Variants in STXBP5L observed in about 807,000 individuals in gnomAD.
The protein encoded by STXBP5L is syntaxin binding protein 5L, also known as syntaxin-binding protein 5-like.
A neutral mutation model predicts 144.5 loss-of-function variants in STXBP5L; 65 were observed. The observed-to-expected ratio is 0.45, with a 90% CI of 0.37 to 0.55. STXBP5L has a LOEUF of 0.55. Ranked by LOEUF, STXBP5L falls within the 20% of genes least tolerant of loss-of-function variation. The probability of loss-of-function intolerance (pLI) is 0.00; values close to 1 mark genes in which losing one functional copy is unlikely to be tolerated. For missense variants in STXBP5L, 1,298 were observed against 1,405.5 expected (o/e 0.92, Z 1.22); for synonymous variants, 505 against 469.6 (o/e 1.08, Z -0.97).
intron 19 of STXBP5L, among the ~76,000 whole-genome samples, chr3:121,298,897 G>A (rs532591744): frequency 3.9e-5 from 6 of 152,278 alleles, no homozygotes; most frequent in East Asian, 3.9e-4. Flanking sequence ...TGTTTAGAAG[G>A]TAGATTTCAT....
chr3:121,174,540 C>T (rs577852812), intron 9 of STXBP5L, among the ~76,000 whole-genome samples: 59 of 152,182 alleles, frequency 3.9e-4, no homozygotes, highest in African/African-American at 1.3e-3. Flanking sequence ...AGAAAGGTGC[C>T]AATTTGGGAG....
intron 20 of STXBP5L, among the ~76,000 whole-genome samples, chr3:121,360,015 AAT>A (rs532276412): frequency 3.4e-5 from 5 of 145,766 alleles, no homozygotes; most frequent in African/African-American, 7.5e-5. Context: ...TATATAATAT[AAT>A]ATATATATTA....
intron 25 of STXBP5L, among the ~76,000 whole-genome samples, chr3:121,417,902 AAG>A (rs755706368): frequency 6.6e-6 from 1 of 152,250 alleles, no homozygotes; most frequent in Non-Finnish European, 1.5e-5. Flanking sequence ...GAGAGACAGA[AAG>A]AGAGAGAAAG....
intron 20 of STXBP5L, among the ~76,000 whole-genome samples, chr3:121,339,037 A>T (rs1171149867): frequency 6.6e-6 from 1 of 152,170 alleles, no homozygotes; most frequent in Non-Finnish European, 1.5e-5. Flanking sequence ...ATCCTTCCTA[A>T]CTCATTCTAT....
chr3:121,199,756 A>G (rs1299790217), intron 9 of STXBP5L, among the ~76,000 whole-genome samples: 1 of 152,004 alleles, frequency 6.6e-6, no homozygotes, highest in African/African-American at 2.4e-5. Context: ...GGTTTTTGTC[A>G]TTCGATCTGT....
At chr3:121,324,138 A>G (rs1298452073) in intron 20 of STXBP5L, among the ~76,000 whole-genome samples, 1 of 152,198 alleles carries the variant, frequency 6.6e-6, no homozygotes, top group Non-Finnish European at 1.5e-5. Context: ...CTAGGATGAT[A>G]GAAATATATA....
chr3:120,985,128 A>G (rs192665977), intron 3 of STXBP5L, among the ~76,000 whole-genome samples: 132 of 151,218 alleles, frequency 8.7e-4, no homozygotes, highest in African/African-American at 2.6e-3. Flanking sequence ...TTTTTTTTCT[A>G]GTAGTGTATT....
intron 20 of STXBP5L, among the ~76,000 whole-genome samples, chr3:121,333,565 A>AT (rs1443640868): frequency 6.6e-6 from 1 of 152,048 alleles, no homozygotes; most frequent in Non-Finnish European, 1.5e-5. Context: ...ACAAAAAAAA[A>AT]ACATTCAAAA....
intron 20 of STXBP5L, among the ~76,000 whole-genome samples, chr3:121,368,239 G>A (rs966606516): frequency 6.6e-6 from 1 of 151,798 alleles, no homozygotes; most frequent in African/African-American, 2.4e-5. Flanking sequence ...TAATTCTTCT[G>A]TCTGCTCAAA....
chr3:121,035,297 C>T (rs1576729540), intron 3 of STXBP5L, among the ~76,000 whole-genome samples: 3 of 152,054 alleles, frequency 2.0e-5, no homozygotes, highest in South Asian at 2.1e-4. Flanking sequence ...GGCCAATGTC[C>T]AGAAGAGTTT....
intron 9 of STXBP5L, among the ~76,000 whole-genome samples, chr3:121,179,036 A>G (rs1318094411): frequency 6.6e-6 from 1 of 152,146 alleles, no homozygotes; most frequent in African/African-American, 2.4e-5. Context: ...GGGGAGGGGC[A>G]TGGCCTGAAA....
chr3:120,998,245 A>G (rs1218885550), intron 3 of STXBP5L, among the ~76,000 whole-genome samples: 1 of 152,158 alleles, frequency 6.6e-6, no homozygotes, highest in Non-Finnish European at 1.5e-5. Context: ...CAATCAGGGA[A>G]GAGAAAGAAG....
At chr3:121,307,837 G>A (rs952840058) in intron 19 of STXBP5L, among the ~76,000 whole-genome samples, 13 of 151,886 alleles carry the variant, frequency 8.6e-5, no homozygotes, top group African/African-American at 2.2e-4. Flanking sequence ...CATGAACTCC[G>A]AGAAGATAAA....
At chr3:121,262,460 T>G (rs1460004880) in intron 18 of STXBP5L, among the ~76,000 whole-genome samples, 1 of 152,096 alleles carries the variant, frequency 6.6e-6, no homozygotes, top group African/African-American at 2.4e-5. Context: ...TGAAACCCCA[T>G]CTCTACTAAC....
At chr3:121,092,199 T>A (rs1005758813) in intron 5 of STXBP5L, among the ~76,000 whole-genome samples, 6 of 152,084 alleles carry the variant, frequency 3.9e-5, no homozygotes, top group Non-Finnish European at 5.9e-5. Context: ...TGAAGTCAGG[T>A]AGCATGATGC....
At chr3:121,017,874 C>T (rs1945253116) in intron 3 of STXBP5L, among the ~76,000 whole-genome samples, 1 of 151,940 alleles carries the variant, frequency 6.6e-6, no homozygotes, top group South Asian at 2.1e-4. Flanking sequence ...GCCAGGAGTT[C>T]AAGTCTGGCC....
rs190516286 is a variant in STXBP5L, at chr3:121,006,947, G to T, written c.288-34753G>T. 2.3e-3 allele frequency among the ~76,000 whole-genome samples: 351 copies of T among 152,190 alleles called. 2 individuals carry two copies. The highest frequency in any genetic ancestry group is 7.9e-3 in the African/African-American group (327 of 41,516). ...GTTAGTCTGATGGGCTTCCCTTTGT[G>T]GGTAACCCGACCTTTGTCTCTGGCT... On this transcript the variant is annotated intron_variant, in intron 3 of 26. Transcript: ENST00000471454.
chr3:120,968,680 G>A (rs112325195), intron 3 of STXBP5L, among the ~76,000 whole-genome samples: 2,934 of 152,124 alleles, frequency 0.019, 86 homozygotes, highest in African/African-American at 0.066. Flanking sequence ...CCTGAGCATT[G>A]TATACTATAC....
intron 2 of STXBP5L, among the ~76,000 whole-genome samples, chr3:120,915,303 G>A (rs1256994849): frequency 2.6e-5 from 4 of 151,996 alleles, no homozygotes; most frequent in African/African-American, 4.8e-5. Context: ...CTCATTTGAC[G>A]ATGTTCCTGT....
Sources: allele counts gnomAD v4.1 joint callset (sites outside exome capture counted in the v4.1 genomes callset), GRCh38; gene constraint gnomAD v4.1.1; transcripts MANE v1.5; gene names NCBI Gene and HGNC (gene_info 2026-07-23, HGNC 2026-07-21).